SMARCAL1: variants seen among roughly 807,000 people sequenced by gnomAD.
SMARCAL1 encodes the protein SNF2 related chromatin remodeling annealing helicase 1.
SMARCAL1 carries 58 observed loss-of-function variants against 94.5 expected under a neutral mutation model. The observed-to-expected ratio is 0.61, with a 90% CI of 0.50 to 0.76. SMARCAL1 has a LOEUF of 0.76. SMARCAL1 is among the 30% of genes least tolerant of loss of function. The probability of loss-of-function intolerance (pLI) is 0.00; values close to 1 mark genes in which losing one functional copy is unlikely to be tolerated. For synonymous variants in SMARCAL1, 422 were observed against 455.1 expected, an observed-to-expected ratio of 0.93 and a Z score of 0.93; for missense variants, 1,051 against 1,177.9, an observed-to-expected ratio of 0.89 and a Z score of 1.58.
At chr2:216,419,397 T>C (rs759025941) in intron 4 of SMARCAL1, among the ~76,000 whole-genome samples, 1 of 152,228 alleles carries the variant, frequency 6.6e-6, no homozygotes, top group Non-Finnish European at 1.5e-5. Flanking sequence ...TCTTTTTATA[T>C]TTCTTTACTC....
chr2:216,438,100 C>G (rs1694115985), intron 9 of SMARCAL1, among the ~76,000 whole-genome samples: 1 of 152,202 alleles, frequency 6.6e-6, no homozygotes, highest in African/African-American at 2.4e-5. Flanking sequence ...TGGGAGGTGC[C>G]TCTTACAAAG....
rs1196663576 is a variant in SMARCAL1, at chr2:216,447,044, G to A, written c.1737G>A (p.Ser579=). The change falls in exon 11 of 18, where the codon TCG becomes TCA. Residue 579 remains serine (S), a synonymous_variant. Transcript: ENST00000357276. ...LKVAKRVILL[S]GTPAMSRPAE... ...TTGCCAAGAGGGTGATCCTGTTGTC[G>A]GGCACACCAGCCATGTCCCGGCCCG... 1.1e-5 allele frequency: 17 copies of A among 1,613,800 alleles called. No homozygotes were observed. Among genetic ancestry groups the A allele is most frequent in the Middle Eastern group, 1.6e-4 (1 of 6,062 alleles).
At chr2:216,457,216 T>G (rs1031935271) in intron 12 of SMARCAL1, among the ~76,000 whole-genome samples, 2 of 152,138 alleles carry the variant, frequency 1.3e-5, no homozygotes, top group African/African-American at 4.8e-5. Context: ...ACAAAGAGAC[T>G]TAGACTCCCA....
rs540525905 is a variant in SMARCAL1 at position 216,468,545 on chromosome 2, A to C, written c.2244+499A>C. Among the ~76,000 whole-genome samples the C allele has an allele frequency of 7.2e-5, 11 of 152,292 alleles. 3 individuals are homozygous for C. The East Asian group carries it at 1.7e-3, about 24-fold the overall frequency. ...GAAGGATTTCCAAGGATGTTTATGA[A>C]AACTGAACACATTTCATCCCCTTTT... On this transcript the variant is annotated intron_variant, in intron 14 of 17. Coordinates refer to ENST00000357276, the MANE Select transcript of SMARCAL1 (RefSeq NM_014140.4).
At chr2:216,474,894 G>T (rs1287500705) in intron 14 of SMARCAL1, among the ~76,000 whole-genome samples, 1 of 152,194 alleles carries the variant, frequency 6.6e-6, no homozygotes, top group Non-Finnish European at 1.5e-5. Flanking sequence ...AACATTGGAG[G>T]TGAATATATG....
chr2:216,440,614 G>T (rs537922746), intron 10 of SMARCAL1, among the ~76,000 whole-genome samples: 2 of 152,204 alleles, frequency 1.3e-5, no homozygotes, highest in East Asian at 3.8e-4. Flanking sequence ...CTTCCGCAAC[G>T]TTGACTTCAT....
At chr2:216,422,396 T>C (rs1406961216) in intron 5 of SMARCAL1, among the ~76,000 whole-genome samples, 3 of 152,116 alleles carry the variant, frequency 2.0e-5, no homozygotes, top group African/African-American at 4.8e-5. Flanking sequence ...TACAGTGATA[T>C]GTGTCTATCA....
chr2:216,436,560 T>C (rs1449499572), intron 9 of SMARCAL1, among the ~76,000 whole-genome samples: 1 of 152,132 alleles, frequency 6.6e-6, no homozygotes. Context: ...CAAACTTGAG[T>C]GTTGATAGTT....
intron 4 of SMARCAL1, among the ~76,000 whole-genome samples, chr2:216,417,887 T>G (rs1292209689): frequency 6.6e-6 from 1 of 152,206 alleles, no homozygotes; most frequent in African/African-American, 2.4e-5. Context: ...AGATGACTTC[T>G]GCTTTTGCAG....
chr2:216,417,685 G>A (rs1693630522), intron 4 of SMARCAL1, among the ~76,000 whole-genome samples: 1 of 152,036 alleles, frequency 6.6e-6, no homozygotes, highest in Admixed American at 6.5e-5. Context: ...GCTGCTGCTA[G>A]CTCCGTCTAG....
In SMARCAL1 at chr2:216,477,006, G is replaced by A. The variant is rs368449232; in HGVS notation, c.2428-103G>A. ...CAGTGAAGTGCTTTGAGGAGGGAGG[G>A]TTGTGGTGGGACTGGAAATGGGGTG... On this transcript the variant is annotated intron_variant, in intron 15 of 17. Transcript: ENST00000357276. The A allele has an allele frequency of 8.4e-5, 73 of 874,130 alleles. No homozygotes were observed. In the African/African-American group the frequency reaches 8.5e-4, roughly 10 times the overall value. 54.1% of individuals were successfully genotyped at this position (874,130 alleles called of 1,614,324 possible).
In SMARCAL1 at chr2:216,415,295, C is replaced by G. The variant is rs752739012; in HGVS notation, c.591C>G (p.Ala197=). ...DAKLEAKTAK[A]SPSGQNISYI... ...AGTTAGAGGCCAAGACAGCAAAAGC[C>G]TCCCCTTCGGGGCAGAACATTTCTT... is the stretch of plus-strand genomic sequence containing the variant. The change falls in exon 3 of 18, where the codon GCC becomes GCG. Residue 197 remains alanine, a synonymous_variant. Transcript: ENST00000357276. 1.2e-6 allele frequency: 2 copies of G among 1,614,252 alleles called. No homozygotes were observed. The highest frequency in any genetic ancestry group is 1.1e-5 in the South Asian group (1 of 91,086).
At chr2:216,435,593 C>A in intron 9 of SMARCAL1, 97 bp downstream of exon 9, 1 of 1,083,898 alleles carries the variant, frequency 9.2e-7, no homozygotes, top group Non-Finnish European at 1.4e-6. Context: ...TCCTTGAGCC[C>A]CATTTAGTTT....
chr2:216,446,811 G>C, intron 10 of SMARCAL1: 1 of 683,814 alleles, frequency 1.5e-6, no homozygotes, highest in Non-Finnish European at 2.7e-6. Flanking sequence ...TAAGTACTAG[G>C]ATAGAGCTCA....
chr2:216,440,842 A>T (rs977870014), intron 10 of SMARCAL1, among the ~76,000 whole-genome samples: 2 of 152,112 alleles, frequency 1.3e-5, no homozygotes, highest in African/African-American at 2.4e-5. Flanking sequence ...GCCTCTACCC[A>T]CTAGATGCCA....
intron 10 of SMARCAL1, 142 bp from the exon 11 acceptor site, chr2:216,446,876 C>T: frequency 1.2e-6 from 1 of 859,164 alleles, no homozygotes; most frequent in Non-Finnish European, 1.9e-6. Flanking sequence ...TAACTGCTTG[C>T]ATTGGCAATG....
intron 14 of SMARCAL1, among the ~76,000 whole-genome samples, chr2:216,471,642 C>T (rs1694968062): frequency 1.3e-5 from 2 of 152,194 alleles, no homozygotes; most frequent in Admixed American, 6.5e-5. Flanking sequence ...GCGTGAGCCA[C>T]CATGCCCAGC....
At chr2:216,452,366 G>A (rs577940297) in intron 12 of SMARCAL1, among the ~76,000 whole-genome samples, 53 of 151,870 alleles carry the variant, frequency 3.5e-4, no homozygotes, top group African/African-American at 4.8e-4. Context: ...AATAACTTTC[G>A]TCTACTGGTG....
rs1032199263 is a variant in SMARCAL1, at chr2:216,451,148, A to G, written c.2070+84A>G. 6 of 1,098,040 alleles carry G rather than the reference A, an allele frequency of 5.5e-6. No individual in the cohort carries two copies. In the African/African-American group the frequency reaches 6.2e-5, roughly 11 times the overall value. 68.0% of individuals were successfully genotyped at this position (1,098,040 alleles called of 1,614,324 possible). On this transcript the variant is annotated intron_variant, in intron 12 of 17. Coordinates refer to ENST00000357276, the MANE Select transcript of SMARCAL1 (RefSeq NM_014140.4). ...GAGAGGCCCTTGAAAATGACCTGGCATTCTCTCAGCTTTCCTTTCTGTAAC... is the reference window on the plus strand; with the variant it reads ...GAGAGGCCCTTGAAAATGACCTGGCGTTCTCTCAGCTTTCCTTTCTGTAAC...
Sources: gnomAD v4.1 joint callset for allele counts (sites outside exome capture counted in the v4.1 genomes callset) on GRCh38, gnomAD v4.1.1 for gene constraint, MANE v1.5 for transcripts, NCBI Gene and HGNC (gene_info 2026-07-23, HGNC 2026-07-21) for gene names.